The following CADPS2 variants were observed in gnomAD, a reference collection of about 807,000 sequenced individuals.
The protein encoded by CADPS2 is calcium dependent secretion activator 2.
A neutral mutation model predicts 172.5 loss-of-function variants in CADPS2; 93 were observed. That is an observed-to-expected ratio of 0.54 (90% CI 0.46 to 0.64). CADPS2 has a LOEUF of 0.64. CADPS2 is among the 30% of genes least tolerant of loss of function. The pLI is 0.00. For missense variants in CADPS2, 1,420 were observed against 1,565.9 expected (o/e 0.91, Z 1.57); for synonymous variants, 546 against 555.2 (o/e 0.98, Z 0.23).
intron 1 of CADPS2, among the ~76,000 whole-genome samples, chr7:122,752,054 A>C (rs1354553806): frequency 1.0e-5 from 1 of 99,932 alleles, no homozygotes; most frequent in African/African-American, 3.8e-5. Flanking sequence ...ACAGATGTCC[A>C]AGAAAACTCA....
rs1036418803 is a variant in CADPS2 at position 122,689,040 on chromosome 7, C to G, written c.454-25471G>C. 9.9e-5 allele frequency among the ~76,000 whole-genome samples: 15 copies of G among 152,188 alleles called. No homozygotes were observed. In the Middle Eastern group the frequency reaches 0.01, roughly 104 times the overall value. On this transcript the variant is annotated intron_variant, in intron 2 of 29. Coordinates refer to ENST00000449022, the MANE Select transcript of CADPS2 (RefSeq NM_017954.11). ...GCTGATGGAGTCCTTTTAGTGAGGACCGGTGCACATAGGGCTGCACCTTGG... is the reference window on the plus strand; with the variant it reads ...GCTGATGGAGTCCTTTTAGTGAGGAGCGGTGCACATAGGGCTGCACCTTGG...
chr7:122,839,267 C>T (rs954752738), intron 1 of CADPS2, among the ~76,000 whole-genome samples: 4 of 152,082 alleles, frequency 2.6e-5, no homozygotes, highest in Non-Finnish European at 5.9e-5. Context: ...ACACCTTATA[C>T]AAAAATTAAT....
intron 28 of CADPS2, among the ~76,000 whole-genome samples, chr7:122,341,763 A>G (rs906283436): frequency 2.0e-5 from 3 of 152,150 alleles, no homozygotes; most frequent in Non-Finnish European, 4.4e-5. Flanking sequence ...GATCTAGCCT[A>G]GGAGCTTGGA....
At chr7:122,395,759 G>A (rs1248620145) in intron 20 of CADPS2, among the ~76,000 whole-genome samples, 1 of 151,396 alleles carries the variant, frequency 6.6e-6, no homozygotes, top group East Asian at 1.9e-4. Context: ...TCCTATATGT[G>A]CCTTATCTCA....
chr7:122,647,724 C>T (rs974351556), intron 3 of CADPS2, among the ~76,000 whole-genome samples: 1 of 152,010 alleles, frequency 6.6e-6, no homozygotes, highest in Non-Finnish European at 1.5e-5. Flanking sequence ...AACACTTTTG[C>T]CACAGCCTTT....
intron 1 of CADPS2, among the ~76,000 whole-genome samples, chr7:122,800,387 T>C (rs531945790): frequency 6.4e-4 from 97 of 152,330 alleles, no homozygotes; most frequent in South Asian, 2.7e-3. Flanking sequence ...ACAGATAAGC[T>C]TTTAAAATAA....
chr7:122,762,162 C>T (rs912205792), intron 1 of CADPS2, among the ~76,000 whole-genome samples: 1 of 150,872 alleles, frequency 6.6e-6, no homozygotes, highest in African/African-American at 2.4e-5. Flanking sequence ...TCAATAGAGG[C>T]GTTGGAAGAT....
chr7:122,628,893 G>T (rs762426466), intron 4 of CADPS2, among the ~76,000 whole-genome samples: 5 of 151,254 alleles, frequency 3.3e-5, no homozygotes, highest in Non-Finnish European at 5.9e-5. Context: ...TGTATTATAT[G>T]ATTTTGCGGG....
chr7:122,565,204 C>A (rs2066296617), intron 7 of CADPS2, among the ~76,000 whole-genome samples: 1 of 151,112 alleles, frequency 6.6e-6, no homozygotes, highest in Non-Finnish European at 1.5e-5. Flanking sequence ...AACACGACTG[C>A]ACTTATACCC....
At chr7:122,825,389 AAAC>A (rs1443792331) in intron 1 of CADPS2, among the ~76,000 whole-genome samples, 2 of 152,190 alleles carry the variant, frequency 1.3e-5, no homozygotes, top group Non-Finnish European at 2.9e-5. Context: ...ATCTCAAGGA[AAAC>A]AACTAAATGA....
At chr7:122,394,890 C>T (rs1406908740) in intron 20 of CADPS2, among the ~76,000 whole-genome samples, 1 of 152,050 alleles carries the variant, frequency 6.6e-6, no homozygotes, top group African/African-American at 2.4e-5. Context: ...GGTTAATACT[C>T]AGTTGTTTAC....
intron 1 of CADPS2, among the ~76,000 whole-genome samples, chr7:122,837,108 C>T (rs1458241186): frequency 5.2e-4 from 76 of 146,908 alleles, no homozygotes; most frequent in South Asian, 1.1e-3. Context: ...CAAACTAGAA[C>T]TCAGGATTAA....
At chr7:122,816,177 C>T (rs1235388967) in intron 1 of CADPS2, among the ~76,000 whole-genome samples, 1 of 151,306 alleles carries the variant, frequency 6.6e-6, no homozygotes, top group Non-Finnish European at 1.5e-5. Context: ...CACCCCCACC[C>T]ACCCCTTACC....
chr7:122,465,894 A>G (rs185713073), intron 14 of CADPS2, among the ~76,000 whole-genome samples: 141 of 152,320 alleles, frequency 9.3e-4, no homozygotes, highest in Non-Finnish European at 5.7e-4. Context: ...ACGTCAACAT[A>G]GATCTACAAA....
At chr7:122,645,340 T>TAC (rs2078242950) in intron 3 of CADPS2, among the ~76,000 whole-genome samples, 11 of 110,330 alleles carry the variant, frequency 1.0e-4, no homozygotes, top group Admixed American at 2.7e-4. Flanking sequence ...TATACACACA[T>TAC]GTACATGTGT....
chr7:122,647,141 T>C (rs1029860424), intron 3 of CADPS2, among the ~76,000 whole-genome samples: 11 of 152,160 alleles, frequency 7.2e-5, no homozygotes, highest in Non-Finnish European at 1.5e-4. Flanking sequence ...GGAATTGATC[T>C]ACCTAAAAAA....
At chr7:122,799,157 T>C (rs553843614) in intron 1 of CADPS2, among the ~76,000 whole-genome samples, 109 of 152,320 alleles carry the variant, frequency 7.2e-4, no homozygotes, top group African/African-American at 2.4e-3. Context: ...TTCCTTTAAA[T>C]ACCAGCTCTC....
intron 3 of CADPS2, among the ~76,000 whole-genome samples, chr7:122,635,004 G>A (rs1012037210): frequency 4.6e-5 from 7 of 152,052 alleles, no homozygotes; most frequent in African/African-American, 1.4e-4. Context: ...TTGCCCTGTC[G>A]TCCAAAAGGA....
intron 11 of CADPS2, 139 bp from the exon 12 acceptor site, chr7:122,480,999 C>T (rs2057221147): frequency 1.1e-5 from 8 of 738,794 alleles, no homozygotes; most frequent in Admixed American, 1.1e-4. Flanking sequence ...AAAAGACCAT[C>T]AGGAAAGAAA....
Sources: allele counts gnomAD v4.1 joint callset (sites outside exome capture counted in the v4.1 genomes callset), GRCh38; gene constraint gnomAD v4.1.1; transcripts MANE v1.5; gene names NCBI Gene and HGNC (gene_info 2026-07-23, HGNC 2026-07-21).